Variants in DIPK2A observed in about 807,000 individuals in gnomAD.
The protein encoded by DIPK2A is divergent protein kinase domain 2A, also known as Golgi Protein of 49 kDa.
In DIPK2A, 27 loss-of-function variants were observed where a neutral mutation model predicts 39.0. The observed-to-expected ratio is 0.69, with a 90% confidence interval of 0.51 to 0.96. The LOEUF (loss-of-function observed/expected upper bound fraction) is 0.96, where lower values mean the gene tolerates loss of function less well. Among genes scored for constraint, DIPK2A ranks in the 40% least tolerant of loss-of-function variants. The pLI, the probability that DIPK2A is intolerant of heterozygous loss-of-function variation, is 0.00. For missense variants in DIPK2A, 528 were observed against 571.3 expected, an observed-to-expected ratio of 0.92 and a Z score of 0.77; for synonymous variants, 298 against 240.8, an observed-to-expected ratio of 1.24 and a Z score of -2.20.
intron 1 of DIPK2A, among the ~76,000 whole-genome samples, chr3:143,979,653 A>G (rs1053453518): frequency 3.3e-5 from 5 of 152,142 alleles, no homozygotes; most frequent in Non-Finnish European, 4.4e-5. Context: ...ACTTATGCAT[A>G]TTTAAAACTT....
At position 143,972,755 on chromosome 3, in the gene DIPK2A, GC is replaced by G; in HGVS notation, c.427del (p.Arg143GlyfsTer65). 1.9e-6 allele frequency: 3 copies of G among 1,577,606 alleles called. No individual in the cohort carries two copies. The highest frequency in any genetic ancestry group is 2.6e-6 in the Non-Finnish European group (3 of 1,165,548). On this transcript the variant is annotated frameshift_variant, in exon 1 of 3. Transcript: ENST00000315691. LOFTEE classifies it high-confidence loss of function. The stretch of plus-strand genomic sequence containing the variant: ...CCCGCTGCGACCTGCTGCAGGCCAT[GC>G]CCCGGACCGAGTTCGCGCGCCTCAA... ...RPRCDLLQAM[P>X]RTEFARLNGD...
At position 143,972,956 on chromosome 3, in the gene DIPK2A, C is replaced by A; in HGVS notation, c.624C>A (p.Thr208=). ...CGGAGCGCATGCAGCTGCTGCTGACCCTGGCCTTCAACCCCGAGCCGCTGG... is the reference window on the plus strand; with the variant it reads ...CGGAGCGCATGCAGCTGCTGCTGACACTGGCCTTCAACCCCGAGCCGCTGG... ...KDSERMQLLL[T]LAFNPEPLVL... The change falls in exon 1 of 3, where the codon ACC becomes ACA. Residue 208 remains threonine, a synonymous_variant. Coordinates refer to ENST00000315691, the MANE Select transcript of DIPK2A (RefSeq NM_173552.5). The A allele has an allele frequency of 6.3e-7, 1 of 1,588,752 alleles. No homozygotes were observed. Among genetic ancestry groups the A allele is most frequent in the East Asian group, 2.3e-5 (1 of 43,884 alleles).
chr3:143,976,584 G>GAGAGAA (rs3083098), intron 1 of DIPK2A, among the ~76,000 whole-genome samples: 1,668 of 139,462 alleles, frequency 0.012, 29 homozygotes, highest in African/African-American at 0.034. Flanking sequence ...GAGAGAGAGA[G>GAGAGAA]ATGCTGTCTG....
At chr3:143,974,127 T>A (rs890155215) in intron 1 of DIPK2A, among the ~76,000 whole-genome samples, 1 of 152,082 alleles carries the variant, frequency 6.6e-6, no homozygotes, top group Non-Finnish European at 1.5e-5. Context: ...AGGGTTTTTT[T>A]TTTTTTTATT....
rs947616849 is a variant in DIPK2A at position 143,991,068 on chromosome 3, A to G, written c.*1227A>G. ...CAGCACACTTTGGTCTTCTTTACCTAAGGGTTAAACATCAGAACATCAAAT... is the reference window on the plus strand; with the variant it reads ...CAGCACACTTTGGTCTTCTTTACCTGAGGGTTAAACATCAGAACATCAAAT... On this transcript the variant is annotated 3_prime_UTR_variant, in exon 3 of 3. Transcript: ENST00000315691. 5.2e-5 allele frequency: 8 copies of G among 152,528 alleles called. No individual in the cohort carries two copies. Among genetic ancestry groups the G allele is most frequent in the African/African-American group, 1.9e-4 (8 of 41,456 alleles). 9.4% of individuals were successfully genotyped at this position (152,528 alleles called of 1,614,324 possible).
chr3:143,974,661 ACAT>A (rs1298328305), intron 1 of DIPK2A, among the ~76,000 whole-genome samples: 4 of 152,172 alleles, frequency 2.6e-5, no homozygotes, highest in Admixed American at 1.3e-4. Flanking sequence ...TTAGTAATAT[ACAT>A]TTACTGTACT....
chr3:143,980,620 C>G (rs1224566891), intron 1 of DIPK2A, among the ~76,000 whole-genome samples: 4 of 139,972 alleles, frequency 2.9e-5, no homozygotes, highest in African/African-American at 1.1e-4. Context: ...AGAGTGTTTT[C>G]AAGCTTAAAC....
At chr3:143,981,992 G>A (rs2087834266) in intron 1 of DIPK2A, among the ~76,000 whole-genome samples, 1 of 152,124 alleles carries the variant, frequency 6.6e-6, no homozygotes, top group Non-Finnish European at 1.5e-5. Context: ...TTTGATCTAG[G>A]TAGATTATTA....
At chr3:143,986,892 A>G (rs1390616056) in intron 2 of DIPK2A, among the ~76,000 whole-genome samples, 1 of 152,106 alleles carries the variant, frequency 6.6e-6, no homozygotes, top group African/African-American at 2.4e-5. Context: ...CCCCTGATAA[A>G]AGTAATATGA....
At chr3:143,975,364 G>A (rs978446144) in intron 1 of DIPK2A, among the ~76,000 whole-genome samples, 9 of 152,022 alleles carry the variant, frequency 5.9e-5, no homozygotes, top group African/African-American at 2.2e-4. Context: ...TTAAGTAAGA[G>A]TTTTCAGAGA....
intron 1 of DIPK2A, among the ~76,000 whole-genome samples, chr3:143,985,136 T>TA (rs1488044234): frequency 6.6e-6 from 1 of 152,240 alleles, no homozygotes; most frequent in Non-Finnish European, 1.5e-5. Context: ...TGTTGCCTGG[T>TA]AAATAACTGC....
rs1157578912 is a variant in DIPK2A at position 143,972,514 on chromosome 3, C to T, written c.182C>T (p.Thr61Met). 3 of 1,611,164 alleles carry T rather than the reference C, an allele frequency of 1.9e-6. No individual in the cohort carries two copies. In the South Asian group the frequency reaches 3.3e-5, roughly 18 times the overall value. ...AATAAGTGCCCGGCGTGCTTCGGCA[C>T]GAGCTGGTGCCGCCGCTTCCTCAAC... ...QLNKCPACFG[T>M]SWCRRFLNGQ... The change falls in exon 1 of 3, where the codon ACG becomes ATG. Residue 61 changes from threonine (T) to methionine (M), a missense_variant. This residue lies in a region of DIPK2A where 309 missense variants were observed against 289.8 expected (regional missense o/e 1.07). Coordinates refer to ENST00000315691, the MANE Select transcript of DIPK2A (RefSeq NM_173552.5).
At position 143,989,612 on chromosome 3, in the gene DIPK2A, C is replaced by T. The variant is rs780271335; in HGVS notation, c.1064C>T (p.Thr355Ile). ...AAAGAAATTCTTTGTGCTCGTGCCA[C>T]TGTGGACCACAATTACTATGCTGTT... ...FSKEILCARA[T>I]VDHNYYAVCQ... Residue 355 changes from threonine (T) to isoleucine (I), a missense_variant, in exon 3 of 3, where the codon ACT becomes ATT. Coordinates refer to ENST00000315691, the MANE Select transcript of DIPK2A (RefSeq NM_173552.5). 2.4e-5 allele frequency: 38 copies of T among 1,614,230 alleles called. No individual in the cohort carries two copies. The Middle Eastern group carries it at 4.9e-4, about 21-fold the overall frequency.
intron 1 of DIPK2A, among the ~76,000 whole-genome samples, chr3:143,982,462 A>G (rs1367771092): frequency 6.6e-6 from 1 of 152,230 alleles, no homozygotes; most frequent in Non-Finnish European, 1.5e-5. Context: ...CTTAAAGGAA[A>G]GAATTTTCAA....
At chr3:143,977,782 TAATC>T (rs1246034229) in intron 1 of DIPK2A, among the ~76,000 whole-genome samples, 1 of 152,082 alleles carries the variant, frequency 6.6e-6, no homozygotes, top group Non-Finnish European at 1.5e-5. Flanking sequence ...CTCTTCAAGA[TAATC>T]AAACAAAAAT....
At chr3:143,978,638 ATC>A (rs1278662083) in intron 1 of DIPK2A, 934 of 71,904 alleles carry the variant, frequency 0.013, 22 homozygotes, top group African/African-American at 0.055. Flanking sequence ...ATATATATAT[ATC>A]TATATATATA....
chr3:143,980,263 T>G (rs1470335354), intron 1 of DIPK2A, among the ~76,000 whole-genome samples: 2 of 106,148 alleles, frequency 1.9e-5, no homozygotes, highest in Non-Finnish European at 3.4e-5. Context: ...CTTTCTTTTC[T>G]TTCTTATGTG....
Position 143,972,707 on chromosome 3 carries a change from C to A in DIPK2A, c.375C>A (p.Ile125=), listed in dbSNP as rs768693814. 1.2e-6 allele frequency: 2 copies of A among 1,603,516 alleles called. No individual in the cohort carries two copies. The highest frequency in any genetic ancestry group is 1.7e-5 in the Admixed American group (1 of 59,444). Residue 125 remains isoleucine, a synonymous_variant, in exon 1 of 3, where the codon ATC becomes ATA. Transcript: ENST00000315691. ...AGCTGGCGCAGCTCGACCAGAGCAT[C>A]TGCAAGCGGGCCACCGGCCGGCCCC... ...QRELAQLDQS[I]CKRATGRPRC...
At position 143,972,819 on chromosome 3, in the gene DIPK2A, G is replaced by C. The variant is rs1344864216; in HGVS notation, c.487G>C (p.Gly163Arg). The C allele has an allele frequency of 3.8e-6, 6 of 1,564,404 alleles. No homozygotes were observed. Among genetic ancestry groups the C allele is most frequent in the Non-Finnish European group, 5.2e-6 (6 of 1,158,432 alleles). ...VRLLTPEAVE[G>R]WSDLVHCPSQ... The stretch of plus-strand genomic sequence containing the variant: ...TCTGCTCACGCCCGAGGCGGTGGAG[G>C]GCTGGTCGGACCTGGTGCACTGCCC... Residue 163 changes from glycine to arginine, a missense_variant, in exon 1 of 3, where the codon GGC (glycine) becomes CGC (arginine). Physicochemically the swap from Gly to Arg is moderately radical, Grantham distance 125. Transcript: ENST00000315691.
Sources: gnomAD v4.1 joint callset for allele counts (sites outside exome capture counted in the v4.1 genomes callset) on GRCh38, gnomAD v4.1.1 for gene constraint, gnomAD v4.1.1 regional missense constraint, MANE v1.5 for transcripts, NCBI Gene and HGNC (gene_info 2026-07-23, HGNC 2026-07-21) for gene names.